The following L3MBTL4 variants were observed in gnomAD, a reference collection of about 807,000 sequenced individuals.
L3MBTL4 encodes the protein L3MBTL histone methyl-lysine binding protein 4, also known as lethal(3)malignant brain tumor-like protein 4.
Under a neutral mutation model 84.5 loss-of-function variants are expected in L3MBTL4, and 70 were observed. That is an observed-to-expected ratio of 0.83 (90% CI 0.68 to 1.01). The LOEUF (loss-of-function observed/expected upper bound fraction) is 1.01. L3MBTL4 is among the 50% of genes least tolerant of loss of function. The pLI, the probability that L3MBTL4 is intolerant of heterozygous loss-of-function variation, is 0.00. For missense variants in L3MBTL4, 715 were observed against 754.8 expected (o/e 0.95, Z 0.62); for synonymous variants, 274 against 259.8 (o/e 1.05, Z -0.52).
At chr18:6,094,939 T>C (rs1346942614) in intron 14 of L3MBTL4, among the ~76,000 whole-genome samples, 1 of 152,154 alleles carries the variant, frequency 6.6e-6, no homozygotes, top group Non-Finnish European at 1.5e-5. Flanking sequence ...TGTTCTGTAA[T>C]TTGTAATAAT....
intron 16 of L3MBTL4, among the ~76,000 whole-genome samples, chr18:6,037,589 T>C (rs1032653647): frequency 2.0e-5 from 3 of 152,240 alleles, no homozygotes; most frequent in African/African-American, 7.2e-5. Context: ...CTTGGAAGTA[T>C]AATGCAAGAC....
At chr18:5,956,517 G>T in intron 18 of L3MBTL4, 130 bp from the exon 19 acceptor site, 1 of 728,892 alleles carries the variant, frequency 1.4e-6, no homozygotes, top group African/African-American at 1.8e-5. Context: ...ACCAGTGAGA[G>T]AGAATGACGG....
chr18:6,215,816 A>G lies in L3MBTL4; in HGVS notation c.804T>C (p.Asn268=). 6.3e-7 allele frequency: 1 copy of G among 1,599,944 alleles called. No individual in the cohort carries two copies. Among genetic ancestry groups the G allele is most frequent in the Non-Finnish European group, 8.5e-7 (1 of 1,172,410 alleles). ...IAPQGYPNPE[N]FSWTEYLEAT... ...CTTCCAGGTATTCTGTCCAGGAAAA[A>G]TTTTCTGGATTGGGATAACCTGAAA... The change falls in exon 11 of 19, where the codon AAT becomes AAC. Residue 268 remains asparagine (N), a synonymous_variant. Coordinates refer to ENST00000317931, the MANE Select transcript of L3MBTL4 (RefSeq NM_001330559.2).
chr18:6,097,812 TG>T (rs779644069), intron 14 of L3MBTL4, among the ~76,000 whole-genome samples: 4 of 152,212 alleles, frequency 2.6e-5, no homozygotes, highest in Non-Finnish European at 4.4e-5. Flanking sequence ...CTTCCTGGTA[TG>T]GACACCCTAA....
At chr18:6,392,360 C>CA (rs1387025107) in intron 1 of L3MBTL4, among the ~76,000 whole-genome samples, 2 of 152,166 alleles carry the variant, frequency 1.3e-5, no homozygotes, top group Non-Finnish European at 2.9e-5. Flanking sequence ...ACCAGCCTGG[C>CA]CAACATGGCA....
At chr18:6,037,520 G>A (rs1464473930) in intron 16 of L3MBTL4, among the ~76,000 whole-genome samples, 3 of 152,160 alleles carry the variant, frequency 2.0e-5, no homozygotes, top group Non-Finnish European at 4.4e-5. Context: ...TCTTGCAGTG[G>A]AGAAATTCAT....
At chr18:6,290,278 T>G (rs532584753) in intron 4 of L3MBTL4, among the ~76,000 whole-genome samples, 1,721 of 151,468 alleles carry the variant, frequency 0.011, 29 homozygotes, top group African/African-American at 0.04. Flanking sequence ...AGAAGGGTTT[T>G]TTTTTTTTTT....
chr18:5,982,964 G>C (rs1016345881), intron 16 of L3MBTL4, among the ~76,000 whole-genome samples: 1 of 152,182 alleles, frequency 6.6e-6, no homozygotes, highest in Non-Finnish European at 1.5e-5. Context: ...CAACCGAGGG[G>C]CAATTGAGGA....
chr18:6,271,046 G>A (rs147769107), intron 4 of L3MBTL4, among the ~76,000 whole-genome samples: 273 of 152,296 alleles, frequency 1.8e-3, no homozygotes, highest in African/African-American at 6.3e-3. Flanking sequence ...AGAGCCCGCG[G>A]GGCATGAGGG....
intron 13 of L3MBTL4, among the ~76,000 whole-genome samples, chr18:6,140,379 A>G (rs72874078): frequency 0.14 from 21,451 of 152,198 alleles, 1,607 homozygotes; most frequent in Middle Eastern, 0.18. Flanking sequence ...GAAAGAGCCA[A>G]CCATGGATGG....
chr18:6,244,390 C>A lies in L3MBTL4; in HGVS notation c.324+94G>T, dbSNP rs1487605630. ...ATAAATCCATAATGCACTGGAACTT[C>A]TTCATAATAAATATCAAACAAATTT... On this transcript the variant is annotated intron_variant, in intron 6 of 18. Coordinates refer to ENST00000317931, the MANE Select transcript of L3MBTL4 (RefSeq NM_001330559.2). 1.2e-4 allele frequency: 92 copies of A among 788,852 alleles called. 1 individual carries two copies. Among genetic ancestry groups the A allele is most frequent in the Non-Finnish European group, 1.4e-4 (68 of 480,254 alleles). 48.9% of individuals were successfully genotyped at this position (788,852 alleles called of 1,614,324 possible).
chr18:6,064,142 G>A (rs894711145), intron 16 of L3MBTL4, among the ~76,000 whole-genome samples: 7 of 151,942 alleles, frequency 4.6e-5, no homozygotes, highest in African/African-American at 7.2e-5. Context: ...GTTTTTGTAT[G>A]CTTTGTTGAA....
intron 16 of L3MBTL4, among the ~76,000 whole-genome samples, chr18:6,039,740 T>C (rs1374348755): frequency 2.0e-5 from 3 of 152,210 alleles, no homozygotes; most frequent in African/African-American, 7.2e-5. Flanking sequence ...TCCGCCTTTC[T>C]AGAAAAGGGT....
intron 14 of L3MBTL4, among the ~76,000 whole-genome samples, chr18:6,122,697 A>G (rs1043963733): frequency 6.6e-6 from 1 of 152,234 alleles, no homozygotes; most frequent in African/African-American, 2.4e-5. Flanking sequence ...GGACTAATAC[A>G]CAACCTTACC....
intron 5 of L3MBTL4, chr18:6,258,718 G>C (rs2048264671): frequency 6.6e-6 from 1 of 152,416 alleles, no homozygotes; most frequent in African/African-American, 2.4e-5. Flanking sequence ...CTGAAAAGGG[G>C]GCACCGGTTC....
chr18:6,367,663 C>T (rs991377507), intron 1 of L3MBTL4: 1 of 152,446 alleles, frequency 6.6e-6, no homozygotes, highest in Non-Finnish European at 1.5e-5. Flanking sequence ...CCAGAAGCCA[C>T]CCGACCTAAA....
chr18:6,408,020 C>T (rs952847932), intron 1 of L3MBTL4, among the ~76,000 whole-genome samples: 3 of 152,138 alleles, frequency 2.0e-5, no homozygotes, highest in African/African-American at 7.2e-5. Flanking sequence ...ATACCATCCC[C>T]TCCAAACACA....
chr18:6,101,821 C>A (rs549680447), intron 14 of L3MBTL4, among the ~76,000 whole-genome samples: 1 of 152,366 alleles, frequency 6.6e-6, no homozygotes, highest in South Asian at 2.1e-4. Flanking sequence ...ATTGCAGAAG[C>A]ATTCCAGAAG....
intron 16 of L3MBTL4, among the ~76,000 whole-genome samples, chr18:6,049,427 A>T (rs1231883783): frequency 6.6e-6 from 1 of 152,258 alleles, no homozygotes; most frequent in African/African-American, 2.4e-5. Flanking sequence ...ATTAAAAAGT[A>T]GGCAAAATGC....
Sources: gnomAD v4.1 joint callset for allele counts (sites outside exome capture counted in the v4.1 genomes callset) on GRCh38, gnomAD v4.1.1 for gene constraint, MANE v1.5 for transcripts, NCBI Gene and HGNC (gene_info 2026-07-23, HGNC 2026-07-21) for gene names.